The following TAMM41 variants were observed in gnomAD, a reference collection of about 807,000 sequenced individuals.
TAMM41 encodes the protein phosphatidate cytidylyltransferase, mitochondrial.
Under a neutral mutation model 44.1 loss-of-function variants are expected in TAMM41, and 36 were observed. The ratio of observed to expected loss-of-function variants is 0.82; its 90% confidence interval spans 0.63 to 1.08. TAMM41 has a LOEUF of 1.08. Ranked by LOEUF, TAMM41 falls within the 50% of genes least tolerant of loss-of-function variation. TAMM41 has a pLI of 0.00. For synonymous variants in TAMM41, 164 were observed against 153.1 expected (o/e 1.07, Z -0.53); for missense variants, 417 against 404.3 (o/e 1.03, Z -0.27).
the TAMM41 span, among the ~76,000 whole-genome samples, chr3:11,764,011 T>C: frequency 6.6e-6 from 1 of 152,192 alleles, no homozygotes; most frequent in Non-Finnish European, 1.5e-5. Context: ...GTTACTTTTT[T>C]GGTTGTTGTT....
Position 11,790,600 on chromosome 3 carries a change from G to T in TAMM41, c.938-19C>A, listed in dbSNP as rs1250280493. The stretch of plus-strand genomic sequence containing the variant: ...TTCAGGCCTAAAAGAGAAAAGATGA[G>T]AAAGTAAGAAGATGGAGGCTTGTTG... On this transcript the variant is annotated intron_variant, in intron 7 of 7. Transcript: ENST00000455809. 1.2e-6 allele frequency: 2 copies of T among 1,602,242 alleles called. No homozygotes were observed.
At chr3:11,750,393 C>T in the TAMM41 span, among the ~76,000 whole-genome samples, 8 of 151,864 alleles carry the variant, frequency 5.3e-5, no homozygotes, top group South Asian at 8.3e-4. Flanking sequence ...ACTGTAGCCT[C>T]GAACTCCTGG....
At chr3:11,781,408 A>T in the TAMM41 span, among the ~76,000 whole-genome samples, 1 of 152,130 alleles carries the variant, frequency 6.6e-6, no homozygotes, top group Non-Finnish European at 1.5e-5. Flanking sequence ...TGGGTAGAAC[A>T]GCATGCTGAA....
chr3:11,786,367 C>T (rs1034264047), downstream of TAMM41, among the ~76,000 whole-genome samples: 10 of 150,762 alleles, frequency 6.6e-5, no homozygotes, highest in Non-Finnish European at 7.4e-5. Context: ...TACAGTGGCA[C>T]GATCTTGGCT....
chr3:11,723,591 A>C, the TAMM41 span, among the ~76,000 whole-genome samples: 8 of 151,684 alleles, frequency 5.3e-5, no homozygotes, highest in African/African-American at 1.9e-4. Flanking sequence ...AAAAAAAAAA[A>C]AAAACAAAAA....
chr3:11,743,724 G>A, the TAMM41 span, among the ~76,000 whole-genome samples: 115 of 152,184 alleles, frequency 7.6e-4, 2 homozygotes, highest in African/African-American at 2.5e-3. Flanking sequence ...GCCTCCCTCT[G>A]TCGCCTCACT....
the TAMM41 span, among the ~76,000 whole-genome samples, chr3:11,739,078 T>A: frequency 6.6e-6 from 1 of 152,190 alleles, no homozygotes; most frequent in Non-Finnish European, 1.5e-5. Flanking sequence ...CCTCTATGCT[T>A]TGGTGTATGC....
chr3:11,811,173 T>C (rs2124963697), intron 5 of TAMM41: 1 of 152,330 alleles, frequency 6.6e-6, no homozygotes, highest in Non-Finnish European at 1.5e-5. Context: ...AATGGCTCCA[T>C]AAAGCTAGAG....
At chr3:11,758,740 C>T in the TAMM41 span, among the ~76,000 whole-genome samples, 1 of 152,080 alleles carries the variant, frequency 6.6e-6, no homozygotes, top group African/African-American at 2.4e-5. Flanking sequence ...GTGGTACTAT[C>T]TCAGCTCACT....
downstream of TAMM41, among the ~76,000 whole-genome samples, chr3:11,786,271 ATTT>A (rs2077416126): frequency 7.5e-6 from 1 of 133,316 alleles, no homozygotes; most frequent in Admixed American, 8.4e-5. Context: ...TTATTTATTT[ATTT>A]ATTTATTTAA....
At chr3:11,754,041 C>G in the TAMM41 span, among the ~76,000 whole-genome samples, 1 of 152,162 alleles carries the variant, frequency 6.6e-6, no homozygotes, top group Admixed American at 6.6e-5. Flanking sequence ...TCCACCTGCT[C>G]CTAAGTGCTG....
At chr3:11,787,809 C>T (rs1277256243), downstream of TAMM41, among the ~76,000 whole-genome samples, 5 of 152,206 alleles carry the variant, frequency 3.3e-5, no homozygotes, top group African/African-American at 1.2e-4. Flanking sequence ...TGAGAACCAA[C>T]TCCAGGTGTG....
chr3:11,759,244 T>A, the TAMM41 span, among the ~76,000 whole-genome samples: 3 of 152,162 alleles, frequency 2.0e-5, no homozygotes, highest in Admixed American at 2.0e-4. Context: ...TCCGTACTGC[T>A]CACGTGGAGG....
intron 5 of TAMM41, among the ~76,000 whole-genome samples, chr3:11,815,820 A>G (rs577800892): frequency 1.1e-4 from 16 of 152,318 alleles, no homozygotes; most frequent in African/African-American, 3.8e-4. Flanking sequence ...TATTTAGAAC[A>G]TGGAGGTGAA....
intron 7 of TAMM41, chr3:11,807,346 C>G: frequency 3.4e-6 from 5 of 1,463,256 alleles, no homozygotes; most frequent in Non-Finnish European, 4.5e-6. Context: ...GACTTCTAAC[C>G]TCCCATAGAG....
At chr3:11,742,087 A>G in the TAMM41 span, among the ~76,000 whole-genome samples, 1 of 150,122 alleles carries the variant, frequency 6.7e-6, no homozygotes. Flanking sequence ...TTAGAGGAAC[A>G]CACACATTTA....
intron 5 of TAMM41, chr3:11,810,975 G>C (rs762465743): frequency 6.6e-6 from 1 of 152,142 alleles, no homozygotes; most frequent in Non-Finnish European, 1.5e-5. Context: ...TTGGGAGGCT[G>C]AGGTGGGAGG....
At chr3:11,790,402 A>G, downstream of TAMM41, 2 of 1,070,118 alleles carry the variant, frequency 1.9e-6, no homozygotes, top group South Asian at 2.6e-5. Flanking sequence ...AAACCAGGGT[A>G]TCTTTGAATT....
At chr3:11,799,470 A>T (rs1404175934) in intron 7 of TAMM41, among the ~76,000 whole-genome samples, 1 of 152,180 alleles carries the variant, frequency 6.6e-6, no homozygotes, top group Non-Finnish European at 1.5e-5. Flanking sequence ...CTTGGCCATA[A>T]TAAACAGAGC....
Sources: gnomAD v4.1 joint callset for allele counts (sites outside exome capture counted in the v4.1 genomes callset) on GRCh38, gnomAD v4.1.1 for gene constraint, MANE v1.5 for transcripts, NCBI Gene and HGNC (gene_info 2026-07-23, HGNC 2026-07-21) for gene names.